NUAK2: variants seen among roughly 807,000 people sequenced by gnomAD.
NUAK2 encodes NUAK family kinase 2.
In NUAK2, 20 loss-of-function variants were observed where a neutral mutation model predicts 29.8. That is an observed-to-expected ratio of 0.67 (90% CI 0.47 to 0.98). The LOEUF is 0.98. Among genes scored for constraint, NUAK2 ranks in the 50% least tolerant of loss-of-function variants. The probability of loss-of-function intolerance (pLI) is 0.00; values close to 1 mark genes in which losing one functional copy is unlikely to be tolerated. For synonymous variants in NUAK2, 331 were observed against 342.6 expected, an observed-to-expected ratio of 0.97 and a Z score of 0.37; for missense variants, 719 against 834.5, an observed-to-expected ratio of 0.86 and a Z score of 1.71.
intron 1 of NUAK2, among the ~76,000 whole-genome samples, chr1:205,314,823 T>C (rs1372001785): frequency 6.6e-6 from 1 of 152,102 alleles, no homozygotes; most frequent in Admixed American, 6.5e-5. Context: ...TACTCGCAGA[T>C]ACAATAGTGA....
At position 205,308,650 on chromosome 1, in the gene NUAK2, C is replaced by T. The variant is rs1389699613; in HGVS notation, c.435G>A (p.Gln145=). The part of the protein sequence containing the change: ...GDLYDYISER[Q]QLSEREARHF... ...GCCTAGCTTCGCGCTCACTGAGCTGCTGCCGCTCGCTGATGTAGTCATAAA... is the reference window on the plus strand; with the variant it reads ...GCCTAGCTTCGCGCTCACTGAGCTGTTGCCGCTCGCTGATGTAGTCATAAA... The change falls in exon 3 of 7, where the codon CAG becomes CAA. Residue 145 remains glutamine, a synonymous_variant. Transcript: ENST00000367157. The surrounding 1 kb of genome is among the most constrained non-coding windows in gnomAD (Gnocchi z 4.1). 6.2e-7 allele frequency: 1 copy of T among 1,614,006 alleles called. No homozygotes were observed. The highest frequency in any genetic ancestry group is 1.7e-5 in the Admixed American group (1 of 60,004).
Position 205,303,275 on chromosome 1 carries a change from C to T in NUAK2, c.*175G>A, listed in dbSNP as rs1156759085. The T allele has an allele frequency of 2.3e-5, 12 of 512,582 alleles. No homozygotes were observed. Among genetic ancestry groups the T allele is most frequent in the East Asian group, 6.5e-5 (2 of 30,694 alleles). The allele number at this position is 512,582 out of a possible 1,614,324, so 31.8% of individuals were successfully genotyped here. ...CTGAAGACAGACACTGAACCCTTGG[C>T]GCATTTCATTTGCCTACTTCCCATA... On this transcript the variant is annotated 3_prime_UTR_variant, in exon 7 of 7. Coordinates refer to ENST00000367157, the MANE Select transcript of NUAK2 (RefSeq NM_030952.3).
chr1:205,317,132 A>G (rs1360708137), intron 1 of NUAK2, among the ~76,000 whole-genome samples: 1 of 152,196 alleles, frequency 6.6e-6, no homozygotes, highest in Non-Finnish European at 1.5e-5. Context: ...TCCTCTGCCA[A>G]CACCCTGGAG....
intron 1 of NUAK2, among the ~76,000 whole-genome samples, chr1:205,313,801 G>T (rs575736492): frequency 1.3e-5 from 2 of 151,940 alleles, no homozygotes; most frequent in East Asian, 3.9e-4. Flanking sequence ...AGCTGGGTGG[G>T]GGTGGGGTGT....
intron 4 of NUAK2, among the ~76,000 whole-genome samples, chr1:205,307,294 G>A (rs900001061): frequency 6.6e-6 from 1 of 152,188 alleles, no homozygotes; most frequent in African/African-American, 2.4e-5. Context: ...AGCCCATAAT[G>A]AAGCACATGA....
At chr1:205,318,401 C>T (rs1662358530) in intron 1 of NUAK2, among the ~76,000 whole-genome samples, 1 of 152,236 alleles carries the variant, frequency 6.6e-6, no homozygotes, top group African/African-American at 2.4e-5. Context: ...AGTACTTGGT[C>T]ATCCAGGAGC....
intron 1 of NUAK2, among the ~76,000 whole-genome samples, chr1:205,315,860 G>A (rs572180179): frequency 2.0e-5 from 3 of 149,366 alleles, no homozygotes; most frequent in African/African-American, 5.0e-5. Context: ...GTGACAGAGC[G>A]AGCCTCTGTC....
intron 1 of NUAK2, among the ~76,000 whole-genome samples, chr1:205,320,232 T>G (rs1662391344): frequency 6.8e-6 from 1 of 146,462 alleles, no homozygotes; most frequent in South Asian, 2.1e-4. Flanking sequence ...AAATTCTCAC[T>G]GCAAGTTCTT....
intron 1 of NUAK2, among the ~76,000 whole-genome samples, chr1:205,317,749 G>C (rs370763214): frequency 1.1e-4 from 17 of 152,366 alleles, no homozygotes; most frequent in African/African-American, 4.1e-4. Context: ...GTCCTGCCAA[G>C]CAAGCCCTTG....
rs775518091 is a variant in NUAK2, at chr1:205,304,446, C to G, written c.891G>C (p.Val297=). 1.3e-6 allele frequency: 2 copies of G among 1,566,530 alleles called. No individual in the cohort carries two copies. The highest frequency in any genetic ancestry group is 4.5e-5 in the East Asian group (2 of 44,290). ...CCCAGTTGACCCACCAGTGACTGGCCACATCCTCCAGGGTGGCCCGGCGGG... is the reference window on the plus strand; with the variant it reads ...CCCAGTTGACCCACCAGTGACTGGCGACATCCTCCAGGGTGGCCCGGCGGG... ...NPTRRATLED[V]ASHWWVNWGY... Residue 297 remains valine, a synonymous_variant, in exon 7 of 7, where the codon GTG becomes GTC. Transcript: ENST00000367157. This position sits in a 1 kb window ranked among gnomAD's most constrained non-coding sequence, Gnocchi z 6.5.
chr1:205,308,735 G>A lies in NUAK2; in HGVS notation c.353-3C>T, dbSNP rs1198408989. The A allele has an allele frequency of 1.2e-6, 2 of 1,613,482 alleles. No individual in the cohort carries two copies. Among genetic ancestry groups the A allele is most frequent in the East Asian group, 2.2e-5 (1 of 44,864 alleles). On this transcript the variant is annotated splice_region_variant and splice_polypyrimidine_tract_variant and intron_variant, in intron 2 of 6. Coordinates refer to ENST00000367157, the MANE Select transcript of NUAK2 (RefSeq NM_030952.3). The surrounding 1 kb of genome is among the most constrained non-coding windows in gnomAD (Gnocchi z 4.1). ...GATCTTGCTGCTGTTCTCAAACACT[G>A]GGCAGAGCAAGGCAAGGAACGTCAG...
intron 1 of NUAK2, among the ~76,000 whole-genome samples, chr1:205,313,866 C>T (rs1295971320): frequency 1.3e-5 from 2 of 152,164 alleles, no homozygotes; most frequent in African/African-American, 4.8e-5. Flanking sequence ...ATGGTAAATA[C>T]GAGACTTCCT....
intron 1 of NUAK2, among the ~76,000 whole-genome samples, chr1:205,320,795 C>G (rs1437080376): frequency 2.0e-5 from 3 of 152,178 alleles, no homozygotes; most frequent in East Asian, 1.9e-4. Context: ...AAAGGTGTCT[C>G]TGGTACAGTG....
chr1:205,321,408 G>A lies in NUAK2; in HGVS notation c.221C>T (p.Ser74Leu). 6.2e-7 allele frequency: 1 copy of A among 1,613,504 alleles called. No individual in the cohort carries two copies. Among genetic ancestry groups the A allele is most frequent in the Non-Finnish European group, 8.5e-7 (1 of 1,179,736 alleles). Residue 74 changes from serine (S) to leucine (L), a missense_variant, in exon 1 of 7, where the codon TCG becomes TTG. Ser to Leu is a moderately radical substitution (Grantham distance 145). Around this residue, in one of 3 missense-constraint regions of NUAK2, gnomAD observed 283 missense variants for 345.6 expected, o/e 0.82. Coordinates refer to ENST00000367157, the MANE Select transcript of NUAK2 (RefSeq NM_030952.3). ...GGGAGCCGCACTCACCAGGCGCCCCGAGCTCTCCCGCGCCTTCTTCACCTT... is the reference window on the plus strand; with the variant it reads ...GGGAGCCGCACTCACCAGGCGCCCCAAGCTCTCCCGCGCCTTCTTCACCTT... ...YGKVKKARES[S>L]GRLVAIKSIR... is the part of the protein sequence containing the mutation.
Position 205,308,782 on chromosome 1 carries a change from C to G in NUAK2, c.353-50G>C. On this transcript the variant is annotated intron_variant, in intron 2 of 6. Transcript: ENST00000367157. This position sits in a 1 kb window ranked among gnomAD's most constrained non-coding sequence, Gnocchi z 4.1. ...TCAGGCCCTCCCAGAGTGCACTGCT[C>G]TCCACTGGGGGTGACTCACTCCTCC... The G allele has an allele frequency of 6.3e-7, 1 of 1,599,782 alleles. No homozygotes were observed. The highest frequency in any genetic ancestry group is 8.5e-7 in the Non-Finnish European group (1 of 1,171,030).
At chr1:205,312,342 G>T (rs1662268469) in intron 1 of NUAK2, among the ~76,000 whole-genome samples, 1 of 152,188 alleles carries the variant, frequency 6.6e-6, no homozygotes, top group Non-Finnish European at 1.5e-5. Context: ...ACCCAGAGAG[G>T]TTAGATGATG....
intron 1 of NUAK2, among the ~76,000 whole-genome samples, chr1:205,314,706 G>C (rs766701175): frequency 2.6e-5 from 4 of 152,204 alleles, no homozygotes; most frequent in Non-Finnish European, 5.9e-5. Flanking sequence ...GGTCCATAAA[G>C]AGCAAAACGA....
intron 2 of NUAK2, among the ~76,000 whole-genome samples, chr1:205,311,480 G>A (rs1284707542): frequency 6.6e-6 from 1 of 152,198 alleles, no homozygotes; most frequent in Non-Finnish European, 1.5e-5. Context: ...TGATGTAGAT[G>A]GGATTACCCC....
intron 1 of NUAK2, among the ~76,000 whole-genome samples, chr1:205,318,263 A>T (rs1289695659): frequency 6.6e-6 from 1 of 152,178 alleles, no homozygotes; most frequent in Non-Finnish European, 1.5e-5. Flanking sequence ...GTTGGTTCCC[A>T]GTGACTCTTC....
Sources: allele counts gnomAD v4.1 joint callset (sites outside exome capture counted in the v4.1 genomes callset), GRCh38; gene constraint gnomAD v4.1.1; regional missense constraint gnomAD v4.1.1; non-coding constraint Gnocchi (gnomAD v3.1); transcripts MANE v1.5; gene names NCBI Gene and HGNC (gene_info 2026-07-23, HGNC 2026-07-21).